Variants in DGLUCY observed in about 807,000 individuals in gnomAD.
The protein encoded by DGLUCY is D-glutamate cyclase, mitochondrial.
Under a neutral mutation model 58.5 loss-of-function variants are expected in DGLUCY, and 58 were observed. That is an observed-to-expected ratio of 0.99 (90% CI 0.80 to 1.23). The LOEUF (loss-of-function observed/expected upper bound fraction) is 1.23. Ranked by LOEUF, DGLUCY falls within the 50% of genes most tolerant of loss-of-function variation. The pLI is 0.00. For synonymous variants in DGLUCY, 325 were observed against 314.1 expected, an observed-to-expected ratio of 1.03 and a Z score of -0.37; for missense variants, 779 against 784.7, an observed-to-expected ratio of 0.99 and a Z score of 0.09.
At chr14:91,111,248 G>GTA (rs779114336), upstream of DGLUCY, among the ~76,000 whole-genome samples, 408 of 81,150 alleles carry the variant, frequency 5.0e-3, 19 homozygotes, top group East Asian at 0.08. Context: ...GTGTGTGTGT[G>GTA]TATATATCTA....
In DGLUCY at chr14:91,167,378, G is replaced by A; in HGVS notation, c.257G>A (p.Arg86Lys). 6.2e-7 allele frequency: 1 copy of A among 1,614,144 alleles called. No individual in the cohort carries two copies. The highest frequency in any genetic ancestry group is 8.5e-7 in the Non-Finnish European group (1 of 1,180,038). Residue 86 changes from arginine (R) to lysine (K), a missense_variant and splice_region_variant, in exon 4 of 14, where the codon AGG (arginine) becomes AAG (lysine). Coordinates refer to ENST00000256324, the MANE Select transcript of DGLUCY (RefSeq NM_001102368.3). ...CCTCAAGGTGCTATCTCAGAGACCA[G>A]GTAAAAAGCTTGGGTTACTGTGGGT... ...LPPQGAISET[R>K]MGHPQFWKYE...
chr14:91,204,410 T>A (rs1054201212), intron 11 of DGLUCY, among the ~76,000 whole-genome samples: 1 of 152,062 alleles, frequency 6.6e-6, no homozygotes, highest in African/African-American at 2.4e-5. Context: ...CATACCCACA[T>A]CTCCCATGGG....
rs567817658 is a variant in DGLUCY, at chr14:91,199,385, G to A, written c.1296-372G>A. 1.6e-4 allele frequency among the ~76,000 whole-genome samples: 24 copies of A among 151,604 alleles called. 1 individual carries two copies. The South Asian group carries it at 3.6e-3, about 22-fold the overall frequency. ...AGTGATTCTTCTGCATCAGCCTCCCGAGTAGCTGGGACTACAAGCACCCAC... is the reference window on the plus strand; with the variant it reads ...AGTGATTCTTCTGCATCAGCCTCCCAAGTAGCTGGGACTACAAGCACCCAC... On this transcript the variant is annotated intron_variant, in intron 10 of 13. Coordinates refer to ENST00000256324, the MANE Select transcript of DGLUCY (RefSeq NM_001102368.3).
intron 6 of DGLUCY, chr14:91,175,619 C>T (rs973073989): frequency 3.7e-6 from 1 of 266,752 alleles, no homozygotes; most frequent in Admixed American, 4.3e-5. Context: ...GGTCAACCCC[C>T]CAAGGCTGGC....
chr14:91,105,866 T>A (rs968442010), upstream of DGLUCY, among the ~76,000 whole-genome samples: 1 of 152,238 alleles, frequency 6.6e-6, no homozygotes, highest in African/African-American at 2.4e-5. Flanking sequence ...CTAGGCTATA[T>A]GATATGGTCT....
chr14:91,121,457 G>A (rs1348148911), intron 1 of DGLUCY, among the ~76,000 whole-genome samples: 1 of 152,118 alleles, frequency 6.6e-6, no homozygotes, highest in Non-Finnish European at 1.5e-5. Context: ...GGGAGGCCGA[G>A]GTGGGTGGAT....
intron 3 of DGLUCY, among the ~76,000 whole-genome samples, chr14:91,163,293 C>CACA (rs766276462): frequency 3.1e-4 from 47 of 152,242 alleles, no homozygotes; most frequent in Middle Eastern, 3.4e-3. Context: ...AGTTTGTTCT[C>CACA]ACAAGGGGCT....
intron 1 of DGLUCY, among the ~76,000 whole-genome samples, chr14:91,121,117 G>A (rs2045332581): frequency 6.6e-6 from 1 of 152,144 alleles, no homozygotes; most frequent in South Asian, 2.1e-4. Flanking sequence ...TTCTCCTAGT[G>A]CTGATTTCCA....
At chr14:91,189,451 G>A (rs571506933) in intron 9 of DGLUCY, among the ~76,000 whole-genome samples, 15 of 152,306 alleles carry the variant, frequency 9.8e-5, no homozygotes, top group African/African-American at 3.6e-4. Context: ...TGCAGTGTGG[G>A]GAATGACCTG....
At chr14:91,072,403 G>GT (rs1019203365) in intron 1 of DGLUCY, among the ~76,000 whole-genome samples, 3 of 151,540 alleles carry the variant, frequency 2.0e-5, no homozygotes, top group African/African-American at 4.8e-5. Flanking sequence ...TTTTGTGTTC[G>GT]TTTTTTCTTA....
At chr14:91,179,847 T>A (rs1021964644) in intron 7 of DGLUCY, among the ~76,000 whole-genome samples, 19 of 151,948 alleles carry the variant, frequency 1.3e-4, no homozygotes, top group Admixed American at 4.6e-4. Flanking sequence ...AAAATTTATT[T>A]TTTTTTTTTA....
intron 11 of DGLUCY, among the ~76,000 whole-genome samples, chr14:91,201,479 A>G (rs558327592): frequency 6.6e-6 from 1 of 152,086 alleles, no homozygotes. Flanking sequence ...TTGTATTTTT[A>G]GTAGACATGG....
At chr14:91,154,182 A>C (rs1336521490) in intron 1 of DGLUCY, among the ~76,000 whole-genome samples, 2 of 152,342 alleles carry the variant, frequency 1.3e-5, no homozygotes, top group South Asian at 2.1e-4. Flanking sequence ...CTGGGATTAC[A>C]GGCGTGAACC....
intron 2 of DGLUCY, among the ~76,000 whole-genome samples, chr14:91,159,182 C>T (rs1191350482): frequency 6.7e-6 from 1 of 149,184 alleles, no homozygotes; most frequent in Non-Finnish European, 1.5e-5. Context: ...TGTGGTGGCT[C>T]ACGCCTGTAA....
intron 1 of DGLUCY, among the ~76,000 whole-genome samples, chr14:91,097,727 G>A (rs2044419629): frequency 6.7e-6 from 1 of 150,312 alleles, no homozygotes; most frequent in South Asian, 2.1e-4. Context: ...AGGCTGGAGT[G>A]CAATGGCGTG....
chr14:91,096,193 C>G (rs2044392056), intron 1 of DGLUCY, among the ~76,000 whole-genome samples: 1 of 152,158 alleles, frequency 6.6e-6, no homozygotes, highest in Non-Finnish European at 1.5e-5. Flanking sequence ...GCAGGCAGAT[C>G]ACCTGAGGTC....
chr14:91,116,333 T>C (rs1431226272), intron 1 of DGLUCY, among the ~76,000 whole-genome samples: 2 of 152,234 alleles, frequency 1.3e-5, no homozygotes, highest in East Asian at 1.9e-4. Flanking sequence ...AGTCTGTAAT[T>C]TGGATCTCCT....
intron 1 of DGLUCY, among the ~76,000 whole-genome samples, chr14:91,065,203 A>C (rs772987894): frequency 3.3e-5 from 5 of 152,202 alleles, no homozygotes; most frequent in Non-Finnish European, 5.9e-5. Context: ...AAATAGATCT[A>C]TCCAGGCAGC....
At chr14:91,109,884 G>A (rs899355864), upstream of DGLUCY, among the ~76,000 whole-genome samples, 6 of 152,178 alleles carry the variant, frequency 3.9e-5, no homozygotes, top group Admixed American at 1.3e-4. Context: ...CATGTCTGGA[G>A]GCTTTCATAT....
Sources: gnomAD v4.1 joint callset for allele counts (sites outside exome capture counted in the v4.1 genomes callset) on GRCh38, gnomAD v4.1.1 for gene constraint, MANE v1.5 for transcripts, NCBI Gene and HGNC (gene_info 2026-07-23, HGNC 2026-07-21) for gene names.